Variants in MTAP observed in about 807,000 individuals in gnomAD.
The protein encoded by MTAP is methylthioadenosine phosphorylase.
Under a neutral mutation model 33.6 loss-of-function variants are expected in MTAP, and 33 were observed. The observed-to-expected ratio is 0.98, with a 90% CI of 0.74 to 1.31. The LOEUF (loss-of-function observed/expected upper bound fraction) is 1.31, where lower values mean the gene tolerates loss of function less well. Ranked by LOEUF, MTAP falls within the 40% of genes most tolerant of loss-of-function variation. The pLI is 0.00. For synonymous variants in MTAP, 148 were observed against 125.7 expected, an observed-to-expected ratio of 1.18 and a Z score of -1.19; for missense variants, 367 against 360.0, an observed-to-expected ratio of 1.02 and a Z score of -0.16.
chr9:21,806,862 G>A (rs1179601179), intron 1 of MTAP, among the ~76,000 whole-genome samples: 1 of 152,020 alleles, frequency 6.6e-6, no homozygotes, highest in African/African-American at 2.4e-5. Flanking sequence ...TTTCATTCTG[G>A]GAGATTAAAA....
At chr9:21,879,893 G>T (rs1461347829) in intron 1 of MTAP, among the ~76,000 whole-genome samples, 2 of 152,102 alleles carry the variant, frequency 1.3e-5, no homozygotes, top group Non-Finnish European at 2.9e-5. Flanking sequence ...GATTTCATCT[G>T]AGAGGTCCAC....
chr9:21,860,553 C>T (rs1356033309), intron 7 of MTAP: 3 of 152,110 alleles, frequency 2.0e-5, no homozygotes, highest in African/African-American at 4.8e-5. Flanking sequence ...TCCTTTCCCC[C>T]ATGAAGTGTT....
chr9:21,904,826 C>G (rs1416417541), intron 1 of MTAP, among the ~76,000 whole-genome samples: 1 of 152,108 alleles, frequency 6.6e-6, no homozygotes, highest in East Asian at 1.9e-4. Context: ...GGAAAATGTC[C>G]AAAATTGCTT....
chr9:21,870,205 A>T (rs921273997), downstream of MTAP, among the ~76,000 whole-genome samples: 5 of 152,222 alleles, frequency 3.3e-5, no homozygotes, highest in Non-Finnish European at 7.3e-5. Flanking sequence ...TCCATGCCCA[A>T]AGTACTCCTA....
At chr9:21,914,802 CAA>C (rs1442205624) in intron 1 of MTAP, among the ~76,000 whole-genome samples, 2 of 149,616 alleles carry the variant, frequency 1.3e-5, no homozygotes, top group Non-Finnish European at 3.0e-5. Flanking sequence ...AAATAATAAA[CAA>C]ATGGTATCCC....
chr9:21,864,234 T>C lies in MTAP; in HGVS notation c.*2220T>C, dbSNP rs539632850. The C allele has an allele frequency of 4.1e-6, 4 of 985,462 alleles. No homozygotes were observed. The highest frequency in any genetic ancestry group is 2.3e-4 in the East Asian group (2 of 8,816). 61.0% of individuals were successfully genotyped at this position (985,462 alleles called of 1,614,324 possible). A position where few individuals can be genotyped will look rare whatever the true frequency, so the allele number is the denominator to read the frequency against. ...AATGAATGCAGTATACTCTTTTCTTTGTTCTCAATCATTCACTCCTTATGC... is the reference window on the plus strand; with the variant it reads ...AATGAATGCAGTATACTCTTTTCTTCGTTCTCAATCATTCACTCCTTATGC... On this transcript the variant is annotated 3_prime_UTR_variant, in exon 8 of 8. Transcript: ENST00000644715.
chr9:21,935,483 A>T (rs1563876312), downstream of MTAP: 1 of 150,476 alleles, frequency 6.6e-6, no homozygotes, highest in Non-Finnish European at 1.5e-5. Context: ...TTGGCTATAC[A>T]TTTTTTTTTA....
intron 5 of MTAP, among the ~76,000 whole-genome samples, chr9:21,839,154 A>G (rs1046600412): frequency 6.6e-6 from 1 of 151,210 alleles, no homozygotes; most frequent in African/African-American, 2.5e-5. Context: ...GACTTCTAGG[A>G]AAGTACGTCT....
intron 1 of MTAP, chr9:21,929,672 G>A (rs369660644): frequency 4.0e-5 from 10 of 248,408 alleles, no homozygotes; most frequent in East Asian, 1.6e-4. Context: ...ATAGAGTTAC[G>A]TATTTCCTCT....
intron 1 of MTAP, among the ~76,000 whole-genome samples, chr9:21,903,554 C>T (rs913097313): frequency 1.3e-5 from 2 of 152,120 alleles, no homozygotes; most frequent in East Asian, 1.9e-4. Context: ...CTCTGTTGAA[C>T]CCAGGCACTG....
chr9:21,871,932 T>G (rs530195036), downstream of MTAP, among the ~76,000 whole-genome samples: 1 of 152,362 alleles, frequency 6.6e-6, no homozygotes, highest in African/African-American at 2.4e-5. Context: ...TATTGTCTGA[T>G]TTCAGTCTTA....
intron 6 of MTAP, among the ~76,000 whole-genome samples, chr9:21,857,137 G>T (rs1825660230): frequency 6.6e-6 from 1 of 152,176 alleles, no homozygotes; most frequent in Non-Finnish European, 1.5e-5. Context: ...GTTTATTTTG[G>T]GAAGGTCAGT....
chr9:21,806,475 G>T (rs1452650648), intron 1 of MTAP, among the ~76,000 whole-genome samples: 2 of 152,148 alleles, frequency 1.3e-5, no homozygotes, highest in Non-Finnish European at 2.9e-5. Context: ...CTGGTTAGGG[G>T]GCCAGAGGCT....
chr9:21,908,385 T>C (rs1169706127), intron 1 of MTAP, among the ~76,000 whole-genome samples: 1 of 152,142 alleles, frequency 6.6e-6, no homozygotes, highest in Non-Finnish European at 1.5e-5. Context: ...GTGTTTCCAG[T>C]TTTTGATTAC....
At chr9:21,880,799 G>A (rs1817994459) in intron 1 of MTAP, among the ~76,000 whole-genome samples, 1 of 151,980 alleles carries the variant, frequency 6.6e-6, no homozygotes, top group Non-Finnish European at 1.5e-5. Flanking sequence ...TCATACACTG[G>A]AAGACTTAAT....
chr9:21,853,706 C>T (rs753311984), intron 5 of MTAP, among the ~76,000 whole-genome samples: 24 of 152,068 alleles, frequency 1.6e-4, no homozygotes, highest in Non-Finnish European at 3.2e-4. Flanking sequence ...GTGTTTACAG[C>T]GCACCTGGCA....
chr9:21,872,058 G>A (rs1825945587), downstream of MTAP, among the ~76,000 whole-genome samples: 1 of 152,198 alleles, frequency 6.6e-6, no homozygotes, highest in Admixed American at 6.5e-5. Context: ...GCTCACACCT[G>A]TAATCCCAGC....
chr9:21,878,881 A>C (rs185367159), intron 1 of MTAP, among the ~76,000 whole-genome samples: 1 of 152,278 alleles, frequency 6.6e-6, no homozygotes, highest in Admixed American at 6.5e-5. Flanking sequence ...AATTTTTAAA[A>C]TCTTGACTTA....
At chr9:21,874,984 A>G (rs1825985305) in intron 1 of MTAP, among the ~76,000 whole-genome samples, 2 of 152,110 alleles carry the variant, frequency 1.3e-5, no homozygotes, top group South Asian at 2.1e-4. Flanking sequence ...AGCTTCATCC[A>G]TGTCCCTGCA....
Sources: allele counts gnomAD v4.1 joint callset (sites outside exome capture counted in the v4.1 genomes callset), GRCh38; gene constraint gnomAD v4.1.1; transcripts MANE v1.5; gene names NCBI Gene and HGNC (gene_info 2026-07-23, HGNC 2026-07-21).